KIAA1217: variants seen among roughly 807,000 people sequenced by gnomAD.
KIAA1217 encodes the protein sickle tail protein homolog.
A neutral mutation model predicts 163.9 loss-of-function variants in KIAA1217; 88 were observed. The ratio of observed to expected loss-of-function variants is 0.54; its 90% CI spans 0.45 to 0.64. The LOEUF (loss-of-function observed/expected upper bound fraction) is 0.64. Ranked by LOEUF, KIAA1217 falls within the 30% of genes least tolerant of loss-of-function variation. The pLI is 0.00. For synonymous variants in KIAA1217, 903 were observed against 923.1 expected (o/e 0.98, Z 0.39); for missense variants, 2,372 against 2,475.0 (o/e 0.96, Z 0.88).
In KIAA1217 at chr10:24,057,804, T is replaced by C. The variant is rs962808018; in HGVS notation, c.-171+50430T>C. Among the ~76,000 whole-genome samples, 32 of 151,684 alleles carry C rather than the reference T, an allele frequency of 2.1e-4. 1 individual carries two copies. The highest frequency in any genetic ancestry group is 2.1e-3 in the Admixed American group (32 of 15,214). ...TTCCTTACCTACTTTGGAAAATCCC[T>C]TCCCAGCTATATGGGATTCACACAT... is the stretch of plus-strand genomic sequence containing the variant. On this transcript the variant is annotated intron_variant, in intron 2 of 18. Coordinates refer to the KIAA1217 transcript ENST00000376462.
intron 5 of KIAA1217, among the ~76,000 whole-genome samples, chr10:24,440,597 T>A (rs981016526): frequency 6.6e-6 from 1 of 152,194 alleles, no homozygotes; most frequent in Non-Finnish European, 1.5e-5. Flanking sequence ...CTGATCAGGA[T>A]ATGCAGAACA....
At chr10:24,249,539 C>T (rs1289117240) in intron 2 of KIAA1217, among the ~76,000 whole-genome samples, 2 of 152,102 alleles carry the variant, frequency 1.3e-5, no homozygotes, top group African/African-American at 2.4e-5. Context: ...CATTTTCTTC[C>T]TGCAAATATT....
At chr10:24,419,627 G>T (rs765902331) in intron 3 of KIAA1217, among the ~76,000 whole-genome samples, 2 of 152,104 alleles carry the variant, frequency 1.3e-5, no homozygotes, top group Non-Finnish European at 2.9e-5. Flanking sequence ...TGCTATATAG[G>T]TTTTTGTCAG....
chr10:23,845,697 G>T (rs181407627), intron 1 of KIAA1217, among the ~76,000 whole-genome samples: 79 of 152,298 alleles, frequency 5.2e-4, no homozygotes, highest in African/African-American at 1.7e-3. Flanking sequence ...TGTTCACTCT[G>T]ATGATAGTTT....
intron 5 of KIAA1217, among the ~76,000 whole-genome samples, chr10:24,472,993 G>A (rs776676221): frequency 2.0e-5 from 3 of 152,160 alleles, no homozygotes; most frequent in African/African-American, 7.2e-5. Flanking sequence ...TCCTTCCTCC[G>A]CATATAAAGA....
intron 2 of KIAA1217, among the ~76,000 whole-genome samples, chr10:24,303,590 G>GGAGGATT (rs1266527613): frequency 3.9e-5 from 6 of 152,198 alleles, no homozygotes; most frequent in African/African-American, 1.4e-4. Context: ...GGCAACTGGA[G>GGAGGATT]GAGGATTCCT....
chr10:23,797,853 A>G (rs1836281687), intron 1 of KIAA1217, among the ~76,000 whole-genome samples: 1 of 152,198 alleles, frequency 6.6e-6, no homozygotes, highest in South Asian at 2.1e-4. Flanking sequence ...ATACCAAGTT[A>G]TAGTACAGGG....
intron 2 of KIAA1217, among the ~76,000 whole-genome samples, chr10:24,092,139 G>T (rs2061959984): frequency 6.6e-6 from 1 of 151,514 alleles, no homozygotes; most frequent in Non-Finnish European, 1.5e-5. Context: ...ACATGCTCAA[G>T]TATCTTTTAA....
intron 2 of KIAA1217, among the ~76,000 whole-genome samples, chr10:24,073,173 G>A (rs2061249651): frequency 6.6e-6 from 1 of 152,174 alleles, no homozygotes; most frequent in Admixed American, 6.6e-5. Flanking sequence ...GCTCAGGCCT[G>A]AATTCGGGAG....
intron 2 of KIAA1217, among the ~76,000 whole-genome samples, chr10:24,280,834 C>T (rs2077844074): frequency 6.8e-6 from 1 of 148,052 alleles, no homozygotes; most frequent in Non-Finnish European, 1.5e-5. Flanking sequence ...AAAGAATAAA[C>T]CTAATTATAC....
intron 1 of KIAA1217, among the ~76,000 whole-genome samples, chr10:23,764,764 G>T (rs1311917717): frequency 6.6e-6 from 1 of 152,036 alleles, no homozygotes; most frequent in Non-Finnish European, 1.5e-5. Context: ...TGGGCACAGG[G>T]AGGGGAACAT....
chr10:24,032,434 A>T (rs1336719831), intron 2 of KIAA1217, among the ~76,000 whole-genome samples: 1 of 152,058 alleles, frequency 6.6e-6, no homozygotes, highest in Non-Finnish European at 1.5e-5. Context: ...TCTTGTAGAG[A>T]TGGGATCTCA....
intron 2 of KIAA1217, among the ~76,000 whole-genome samples, chr10:24,324,103 C>CA (rs976299266): frequency 2.1e-4 from 32 of 149,632 alleles, no homozygotes; most frequent in Non-Finnish European, 4.4e-4. Context: ...CTCATCTCTA[C>CA]AAAAAAAAAT....
chr10:24,108,406 A>C (rs748156524), intron 2 of KIAA1217, among the ~76,000 whole-genome samples: 4 of 152,182 alleles, frequency 2.6e-5, no homozygotes, highest in African/African-American at 4.8e-5. Flanking sequence ...CTGGAGGGAA[A>C]ATTTTTAAAT....
In KIAA1217 at chr10:24,545,735, A is replaced by G; in HGVS notation, c.5335-92A>G. The G allele has an allele frequency of 2.0e-6, 3 of 1,519,972 alleles. No individual in the cohort carries two copies. In the South Asian group the frequency reaches 4.0e-5, roughly 20 times the overall value. The allele number at this position is 1,519,972 out of a possible 1,614,324, so 94.2% of individuals were successfully genotyped here. On this transcript the variant is annotated intron_variant, in intron 20 of 20. Transcript: ENST00000376454. ...TGTTTGGTTGGTTTTCTTTGATTGA[A>G]TTATTCTCAGAAGGGCTGTGTTGCC...
At chr10:23,916,675 AT>A (rs1170422923) in intron 1 of KIAA1217, among the ~76,000 whole-genome samples, 13 of 152,144 alleles carry the variant, frequency 8.5e-5, no homozygotes, top group African/African-American at 2.7e-4. Context: ...GATACATTTT[AT>A]TAAAAATGTT....
chr10:23,763,209 T>A (rs1208675411), intron 1 of KIAA1217, among the ~76,000 whole-genome samples: 2 of 152,200 alleles, frequency 1.3e-5, no homozygotes, highest in Admixed American at 6.5e-5. Flanking sequence ...ATAGATTCAA[T>A]GCTGTTTCCA....
At chr10:23,822,591 T>C (rs1336980415) in intron 1 of KIAA1217, among the ~76,000 whole-genome samples, 1 of 152,222 alleles carries the variant, frequency 6.6e-6, no homozygotes, top group East Asian at 1.9e-4. Context: ...AATCAACAGG[T>C]TGTTTCTGCA....
intron 2 of KIAA1217, among the ~76,000 whole-genome samples, chr10:24,032,511 A>G (rs1293499467): frequency 2.0e-5 from 3 of 152,122 alleles, no homozygotes; most frequent in Non-Finnish European, 4.4e-5. Flanking sequence ...TGCTGGCATT[A>G]CAGGCATGAG....
Sources: allele counts gnomAD v4.1 joint callset (sites outside exome capture counted in the v4.1 genomes callset), GRCh38; gene constraint gnomAD v4.1.1; transcripts MANE v1.5; gene names NCBI Gene and HGNC (gene_info 2026-07-23, HGNC 2026-07-21).